The following PARD3 variants were observed in gnomAD, a reference collection of about 807,000 sequenced individuals.
The protein encoded by PARD3 is partitioning defective 3 homolog.
In PARD3, 75 loss-of-function variants were observed where a neutral mutation model predicts 155.4. The observed-to-expected ratio is 0.48, with a 90% CI of 0.40 to 0.58. PARD3 has a LOEUF of 0.58. Among genes scored for constraint, PARD3 ranks in the 20% least tolerant of loss-of-function variants. The pLI is 0.00. For missense variants in PARD3, 1,642 were observed against 1,721.7 expected, an observed-to-expected ratio of 0.95 and a Z score of 0.82; for synonymous variants, 576 against 610.5, an observed-to-expected ratio of 0.94 and a Z score of 0.83.
At chr10:34,756,798 T>A (rs562592230) in intron 1 of PARD3, among the ~76,000 whole-genome samples, 19 of 152,220 alleles carry the variant, frequency 1.2e-4, no homozygotes, top group African/African-American at 4.1e-4. Flanking sequence ...TTTGAACCAA[T>A]AAAATAATCA....
chr10:34,159,188 A>C (rs548298048), intron 22 of PARD3, among the ~76,000 whole-genome samples: 1 of 152,294 alleles, frequency 6.6e-6, no homozygotes, highest in South Asian at 2.1e-4. Context: ...GTTCATTCTG[A>C]AGTTTTGGAA....
At chr10:34,577,300 C>T (rs2134214409) in intron 2 of PARD3, among the ~76,000 whole-genome samples, 2 of 152,254 alleles carry the variant, frequency 1.3e-5, no homozygotes, top group South Asian at 4.2e-4. Context: ...GCAAATGATG[C>T]ATGTGTGTTT....
At chr10:34,524,977 G>C (rs1361543008) in intron 2 of PARD3, among the ~76,000 whole-genome samples, 1 of 152,162 alleles carries the variant, frequency 6.6e-6, no homozygotes, top group Non-Finnish European at 1.5e-5. Context: ...AAATCAATTT[G>C]TAAGCTTTCT....
intron 1 of PARD3, among the ~76,000 whole-genome samples, chr10:34,777,492 T>C (rs1344667596): frequency 6.6e-6 from 1 of 152,198 alleles, no homozygotes; most frequent in Non-Finnish European, 1.5e-5. Context: ...GAGGGCATCC[T>C]CACAGTGCAG....
At chr10:34,208,129 A>G (rs189877378) in intron 22 of PARD3, among the ~76,000 whole-genome samples, 1 of 152,376 alleles carries the variant, frequency 6.6e-6, no homozygotes, top group Non-Finnish European at 1.5e-5. Context: ...TTTTAGAGAC[A>G]TAACCATGAA....
At chr10:34,799,935 C>G (rs536373864) in intron 1 of PARD3, among the ~76,000 whole-genome samples, 1 of 152,120 alleles carries the variant, frequency 6.6e-6, no homozygotes, top group South Asian at 2.1e-4. Flanking sequence ...CAAGACCAGC[C>G]TGGGCAATAC....
At chr10:34,190,075 C>A (rs71487350) in intron 22 of PARD3, among the ~76,000 whole-genome samples, 1 of 152,064 alleles carries the variant, frequency 6.6e-6, no homozygotes, top group Admixed American at 6.5e-5. Context: ...CATTCATGGG[C>A]AAAAGGGCTA....
At chr10:34,549,995 T>C (rs945689827) in intron 2 of PARD3, among the ~76,000 whole-genome samples, 3 of 152,120 alleles carry the variant, frequency 2.0e-5, no homozygotes, top group Non-Finnish European at 4.4e-5. Context: ...ACAAGAATCA[T>C]GCTGCTTTAA....
chr10:34,786,014 C>T (rs1404132661), intron 1 of PARD3, among the ~76,000 whole-genome samples: 3 of 151,684 alleles, frequency 2.0e-5, no homozygotes, highest in Admixed American at 2.0e-4. Context: ...GTCTTCCCTG[C>T]ATTTCTCCCC....
At chr10:34,710,784 TTA>T (rs1170366128) in intron 1 of PARD3, among the ~76,000 whole-genome samples, 2 of 152,210 alleles carry the variant, frequency 1.3e-5, no homozygotes. Flanking sequence ...GAAGAGACCC[TTA>T]TGTTTTTGTT....
intron 2 of PARD3, among the ~76,000 whole-genome samples, chr10:34,528,821 G>A (rs79019059): frequency 5.3e-5 from 8 of 152,252 alleles, no homozygotes; most frequent in South Asian, 4.1e-4. Flanking sequence ...GTAAACACTC[G>A]TAGCTCATTA....
intron 2 of PARD3, among the ~76,000 whole-genome samples, chr10:34,621,609 C>G (rs1192024465): frequency 1.3e-5 from 2 of 152,146 alleles, no homozygotes; most frequent in Non-Finnish European, 2.9e-5. Flanking sequence ...ACTGCACAAA[C>G]TGAAAGAAAG....
At chr10:34,728,074 T>C (rs1013002226) in intron 1 of PARD3, among the ~76,000 whole-genome samples, 4 of 152,212 alleles carry the variant, frequency 2.6e-5, no homozygotes, top group African/African-American at 9.6e-5. Flanking sequence ...TCTAATTTAT[T>C]AGACTCTAGG....
At chr10:34,324,226 G>A (rs1958545391) in intron 19 of PARD3, among the ~76,000 whole-genome samples, 1 of 152,164 alleles carries the variant, frequency 6.6e-6, no homozygotes, top group South Asian at 2.1e-4. Context: ...GTGTGTGTGA[G>A]GAATCAGAAT....
chr10:34,362,751 TC>T (rs768360488), intron 12 of PARD3, among the ~76,000 whole-genome samples: 7 of 152,230 alleles, frequency 4.6e-5, no homozygotes, highest in Non-Finnish European at 1.0e-4. Flanking sequence ...CACTTTGGCT[TC>T]CCAAAGTATT....
In PARD3 at chr10:34,612,177, A is replaced by G. The variant is rs12243062; in HGVS notation, c.222+84141T>C. Among the ~76,000 whole-genome samples the G allele has an allele frequency of 9.2e-3, 1,399 of 152,292 alleles. 14 individuals carry two copies. The highest frequency in any genetic ancestry group is 0.032 in the African/African-American group (1,330 of 41,560). On this transcript the variant is annotated intron_variant, in intron 2 of 24. Transcript: ENST00000374788. ...AAATGTAGTATGCATCTGTTCATGC[A>G]GTATATAACCTATACAGAAACATAA...
chr10:34,766,619 A>C (rs1180513471), intron 1 of PARD3, among the ~76,000 whole-genome samples: 1 of 37,266 alleles, frequency 2.7e-5, no homozygotes, highest in Non-Finnish European at 6.2e-5. Context: ...TTAATTGACA[A>C]AAAAAAAAAA....
chr10:34,546,661 A>T (rs2084096358), intron 2 of PARD3, among the ~76,000 whole-genome samples: 1 of 152,190 alleles, frequency 6.6e-6, no homozygotes, highest in Non-Finnish European at 1.5e-5. Flanking sequence ...TACAAAGAAA[A>T]AAAAAGCACT....
At chr10:34,418,423 G>GT (rs1845878699) in intron 5 of PARD3, among the ~76,000 whole-genome samples, 1 of 152,022 alleles carries the variant, frequency 6.6e-6, no homozygotes, top group South Asian at 2.1e-4. Flanking sequence ...ATCTGCCCAC[G>GT]TAGGCCTCCC....
Sources: allele counts gnomAD v4.1 joint callset (sites outside exome capture counted in the v4.1 genomes callset), GRCh38; gene constraint gnomAD v4.1.1; transcripts MANE v1.5; gene names NCBI Gene and HGNC (gene_info 2026-07-23, HGNC 2026-07-21).